Variants in SLCO1A2 observed in about 807,000 individuals in gnomAD.
SLCO1A2 encodes the protein solute carrier organic anion transporter family member 1A2.
In SLCO1A2, 67 loss-of-function variants were observed where a neutral mutation model predicts 69.0. That is an observed-to-expected ratio of 0.97 (90% CI 0.80 to 1.19). The LOEUF (loss-of-function observed/expected upper bound fraction) is 1.19. Among genes scored for constraint, SLCO1A2 ranks in the 50% most tolerant of loss-of-function variants. The pLI is 0.00. For missense variants in SLCO1A2, 787 were observed against 793.7 expected (o/e 0.99, Z 0.10); for synonymous variants, 260 against 265.9 (o/e 0.98, Z 0.22).
exon 1 of SLCO1A2, chr12:21,394,960 T>A (rs1941363953): frequency 6.6e-6 from 1 of 152,196 alleles, no homozygotes; most frequent in African/African-American, 2.4e-5. Flanking sequence ...CAAAGCACCG[T>A]AAGTGTGCTG....
intron 6 of SLCO1A2, among the ~76,000 whole-genome samples, chr12:21,302,185 T>C (rs1161738953): frequency 2.6e-5 from 4 of 152,120 alleles, no homozygotes; most frequent in Admixed American, 2.0e-4. Flanking sequence ...TCTCTGCCTC[T>C]ACTTCCTCAC....
chr12:21,272,233 T>A (rs1411895756), intron 14 of SLCO1A2, among the ~76,000 whole-genome samples: 2 of 151,864 alleles, frequency 1.3e-5, no homozygotes, highest in Non-Finnish European at 2.9e-5. Context: ...TAGATATAGA[T>A]GTATTATAGA....
chr12:21,331,033 T>C (rs918488172), intron 2 of SLCO1A2, among the ~76,000 whole-genome samples: 2 of 152,180 alleles, frequency 1.3e-5, no homozygotes, highest in Non-Finnish European at 2.9e-5. Flanking sequence ...AATACCTCTT[T>C]ATAACTTTCT....
chr12:21,363,660 AAAG>A (rs1772212630), intron 2 of SLCO1A2, among the ~76,000 whole-genome samples: 2 of 152,186 alleles, frequency 1.3e-5, no homozygotes, highest in Non-Finnish European at 2.9e-5. Context: ...CAAGACTAAT[AAAG>A]AAGAAAAGAG....
Position 21,274,534 on chromosome 12 carries a change from TA to T in SLCO1A2, c.1727del (p.Leu576TyrfsTer6). On this transcript the variant is annotated frameshift_variant, in exon 14 of 15. Coordinates refer to ENST00000683939, the MANE Select transcript of SLCO1A2 (RefSeq NM_001386879.1). LOFTEE classifies it high-confidence loss of function. ...YFGALMDSTC[L>X]HWGTLKCGES... The stretch of plus-strand genomic sequence containing the variant: ...CACCACATTTCAAAGTTCCCCAGTG[TA>T]AACATGTGGAATCCATTAAAGCGCC... The T allele has an allele frequency of 6.2e-7, 1 of 1,613,800 alleles. No individual in the cohort carries two copies. Among genetic ancestry groups the T allele is most frequent in the South Asian group, 1.1e-5 (1 of 91,084 alleles).
Position 21,344,814 on chromosome 12 carries a change from T to C in SLCO1A2, c.-62-10105A>G, listed in dbSNP as rs566390586. ...AAGAAAAGGTAACAGTTTGGGATTT[T>C]AGATTTAGAATGGGTTTTTTTCTTT... On this transcript the variant is annotated intron_variant, in intron 2 of 15. Coordinates refer to the SLCO1A2 transcript ENST00000307378. 6.1e-4 allele frequency among the ~76,000 whole-genome samples: 93 copies of C among 152,234 alleles called. 1 individual carries two copies. The highest frequency in any genetic ancestry group is 2.1e-3 in the African/African-American group (86 of 41,572).
At chr12:21,409,279 G>A (rs1941870480) in intron 1 of SLCO1A2, among the ~76,000 whole-genome samples, 1 of 152,118 alleles carries the variant, frequency 6.6e-6, no homozygotes, top group African/African-American at 2.4e-5. Flanking sequence ...TTGGCAACAT[G>A]TCGTATTCAT....
upstream of SLCO1A2, among the ~76,000 whole-genome samples, chr12:21,418,605 A>G (rs972657820): frequency 8.5e-5 from 13 of 152,198 alleles, no homozygotes; most frequent in African/African-American, 2.7e-4. Flanking sequence ...TAAAACCATC[A>G]GATCTCATGA....
intron 1 of SLCO1A2, among the ~76,000 whole-genome samples, chr12:21,400,874 T>A (rs868266529): frequency 1.9e-4 from 18 of 96,380 alleles, no homozygotes; most frequent in African/African-American, 7.1e-4. Flanking sequence ...CTGGGGACTG[T>A]TGTGGGGTGG....
chr12:21,381,145 A>C (rs993670488), intron 1 of SLCO1A2, among the ~76,000 whole-genome samples: 3 of 152,148 alleles, frequency 2.0e-5, no homozygotes, highest in African/African-American at 7.2e-5. Flanking sequence ...TAAATGCAAC[A>C]AAAACAAAAA....
intron 8 of SLCO1A2, among the ~76,000 whole-genome samples, chr12:21,298,735 C>A (rs1275137415): frequency 1.3e-5 from 2 of 152,132 alleles, no homozygotes; most frequent in Non-Finnish European, 2.9e-5. Flanking sequence ...ACAAGCTAAG[C>A]TCTTTCCTAA....
rs1375018230 is a variant in SLCO1A2 at position 21,267,269 on chromosome 12, T to G, written c.*2279A>C. ...GGTACTAAGTCCATAGCCATGTCTC[T>G]CTGGGCCTATGATGCTCCATTGAGG... On this transcript the variant is annotated 3_prime_UTR_variant, in exon 15 of 15. Transcript: ENST00000683939. The G allele has an allele frequency of 6.6e-6, 1 of 152,116 alleles. No individual in the cohort carries two copies. The highest frequency in any genetic ancestry group is 1.5e-5 in the Non-Finnish European group (1 of 68,014). The allele number at this position is 152,116 out of a possible 1,614,324, so 9.4% of individuals were successfully genotyped here.
At chr12:21,335,132 C>CT (rs56977776), upstream of SLCO1A2, among the ~76,000 whole-genome samples, 4,162 of 151,998 alleles carry the variant, frequency 0.027, 87 homozygotes, top group Non-Finnish European at 0.033. Flanking sequence ...GCTCAAAAAT[C>CT]TTTTTTTGGC....
rs1942221670 is a variant in SLCO1A2 at position 21,267,652 on chromosome 12, T to A, written c.*1896A>T. The stretch of plus-strand genomic sequence containing the variant: ...TATATCCTATTTGCTTCTTTTTAGC[T>A]CAGATTCCAGTTCAGAAATGAGCAT... On this transcript the variant is annotated 3_prime_UTR_variant, in exon 15 of 15. Transcript: ENST00000683939. The A allele has an allele frequency of 6.6e-6, 1 of 152,142 alleles. No homozygotes were observed. The highest frequency in any genetic ancestry group is 6.6e-5 in the Admixed American group (1 of 15,248). The allele number at this position is 152,142 out of a possible 1,614,324, so 9.4% of individuals were successfully genotyped here. A position where few individuals can be genotyped will look rare whatever the true frequency, so the allele number is the denominator to read the frequency against.
intron 12 of SLCO1A2, among the ~76,000 whole-genome samples, chr12:21,288,205 G>A (rs1025847984): frequency 6.6e-6 from 1 of 151,416 alleles, no homozygotes; most frequent in African/African-American, 2.5e-5. Context: ...ACTTTGGGAG[G>A]CCAAAGCAGA....
At chr12:21,342,526 C>G (rs1470053826) in intron 2 of SLCO1A2, among the ~76,000 whole-genome samples, 1 of 151,920 alleles carries the variant, frequency 6.6e-6, no homozygotes, top group Non-Finnish European at 1.5e-5. Context: ...CTCCAATCTA[C>G]AAATATGACA....
intron 2 of SLCO1A2, among the ~76,000 whole-genome samples, chr12:21,350,693 CG>C (rs1169865238): frequency 6.6e-6 from 1 of 151,558 alleles, no homozygotes; most frequent in African/African-American, 2.4e-5. Flanking sequence ...AAAAATTAGC[CG>C]GGCGTGGTGG....
chr12:21,341,022 A>C (rs569905711), intron 2 of SLCO1A2, among the ~76,000 whole-genome samples: 4 of 152,128 alleles, frequency 2.6e-5, no homozygotes, highest in African/African-American at 7.2e-5. Context: ...ATATCAACCC[A>C]TTTAATTCTC....
At chr12:21,275,901 C>T (rs2136110466) in intron 12 of SLCO1A2, among the ~76,000 whole-genome samples, 1 of 151,608 alleles carries the variant, frequency 6.6e-6, no homozygotes. Flanking sequence ...GAAATTGCGC[C>T]ACTGCACTCC....
Sources: gnomAD v4.1 joint callset for allele counts (sites outside exome capture counted in the v4.1 genomes callset) on GRCh38, gnomAD v4.1.1 for gene constraint, MANE v1.5 for transcripts, NCBI Gene and HGNC (gene_info 2026-07-23, HGNC 2026-07-21) for gene names.